Variants in THSD7B observed in about 807,000 individuals in gnomAD.
THSD7B encodes thrombospondin type 1 domain containing 7B, also known as thrombospondin type-1 domain-containing protein 7B.
In THSD7B, 138 loss-of-function variants were observed where a neutral mutation model predicts 213.6. The ratio of observed to expected loss-of-function variants is 0.65; its 90% CI spans 0.56 to 0.74. The LOEUF (loss-of-function observed/expected upper bound fraction) is 0.74. Ranked by LOEUF, THSD7B falls within the 30% of genes least tolerant of loss-of-function variation. The probability of loss-of-function intolerance (pLI) is 0.00; values close to 1 mark genes in which losing one functional copy is unlikely to be tolerated. For missense variants in THSD7B, 1,931 were observed against 1,991.5 expected, an observed-to-expected ratio of 0.97 and a Z score of 0.58; for synonymous variants, 742 against 687.0, an observed-to-expected ratio of 1.08 and a Z score of -1.25.
intron 17 of THSD7B, among the ~76,000 whole-genome samples, chr2:137,588,102 T>C (rs370572441): frequency 6.6e-6 from 1 of 152,130 alleles, no homozygotes; most frequent in Non-Finnish European, 1.5e-5. Flanking sequence ...TAGCAATGAG[T>C]GAGGCTCCAA....
At chr2:137,106,897 G>A (rs1688264590) in intron 4 of THSD7B, among the ~76,000 whole-genome samples, 1 of 152,186 alleles carries the variant, frequency 6.6e-6, no homozygotes, top group Admixed American at 6.5e-5. Flanking sequence ...AACAACAGAT[G>A]CTGGAGAGGA....
chr2:136,871,703 G>T (rs16837222), intron 1 of THSD7B, among the ~76,000 whole-genome samples: 1 of 152,086 alleles, frequency 6.6e-6, no homozygotes, highest in African/African-American at 2.4e-5. Context: ...GAAAGAAGCC[G>T]CATAAGTAAG....
At chr2:137,501,261 AAGAAG>A (rs1160105548) in intron 15 of THSD7B, among the ~76,000 whole-genome samples, 1 of 152,188 alleles carries the variant, frequency 6.6e-6, no homozygotes, top group African/African-American at 2.4e-5. Flanking sequence ...ACATAGTGAA[AAGAAG>A]AGGATTCCAC....
chr2:136,851,621 C>T (rs1683100253), intron 1 of THSD7B, among the ~76,000 whole-genome samples: 1 of 152,066 alleles, frequency 6.6e-6, no homozygotes, highest in Admixed American at 6.6e-5. Flanking sequence ...ACTGGGGTGA[C>T]TTTGTTCTAT....
intron 12 of THSD7B, among the ~76,000 whole-genome samples, chr2:137,372,900 A>G (rs1385149544): frequency 8.0e-6 from 1 of 125,192 alleles, no homozygotes; most frequent in South Asian, 2.5e-4. Context: ...TCCTGTGTCC[A>G]TGTGTTCTCA....
intron 12 of THSD7B, among the ~76,000 whole-genome samples, chr2:137,326,202 C>G (rs190511286): frequency 6.6e-6 from 1 of 152,128 alleles, no homozygotes; most frequent in South Asian, 2.1e-4. Context: ...GACCCATGAT[C>G]ATAGCAAGGA....
At chr2:136,929,170 G>C (rs747070271) in intron 2 of THSD7B, among the ~76,000 whole-genome samples, 5 of 152,072 alleles carry the variant, frequency 3.3e-5, no homozygotes, top group African/African-American at 1.2e-4. Context: ...GAAATGTGTG[G>C]GATTGCCCGT....
At chr2:137,400,491 G>T (rs1574007787) in intron 12 of THSD7B, among the ~76,000 whole-genome samples, 1 of 152,236 alleles carries the variant, frequency 6.6e-6, no homozygotes, top group South Asian at 2.1e-4. Flanking sequence ...GATTTCCCTG[G>T]CTATAAATAG....
intron 15 of THSD7B, among the ~76,000 whole-genome samples, chr2:137,497,110 G>T (rs1003510688): frequency 6.6e-6 from 1 of 151,978 alleles, no homozygotes; most frequent in Non-Finnish European, 1.5e-5. Context: ...ATTGTAATAT[G>T]CAGGCAAAGA....
intron 2 of THSD7B, among the ~76,000 whole-genome samples, chr2:137,032,608 A>G (rs1686696059): frequency 6.6e-6 from 1 of 152,144 alleles, no homozygotes; most frequent in African/African-American, 2.4e-5. Context: ...TTTTCACACA[A>G]TTTAGTATAA....
intron 2 of THSD7B, among the ~76,000 whole-genome samples, chr2:137,015,775 C>G (rs560510467): frequency 1.3e-5 from 2 of 152,212 alleles, no homozygotes; most frequent in Admixed American, 1.3e-4. Context: ...GCTTTTCTGG[C>G]TACTTATCTG....
chr2:137,160,300 T>C lies in THSD7B; in HGVS notation c.1457T>C (p.Ile486Thr), dbSNP rs771258622. 5 of 1,613,726 alleles carry C rather than the reference T, an allele frequency of 3.1e-6. No individual in the cohort carries two copies. The highest frequency in any genetic ancestry group is 3.4e-6 in the Non-Finnish European group (4 of 1,179,738). ...LCNIPCSTDC[I>T]VSSWSAWGLC... ...AATATCCCTTGCTCTACGGACTGCA[T>C]AGTATCTTCCTGGTCAGCCTGGGGC... is the stretch of plus-strand genomic sequence containing the variant. The change falls in exon 6 of 28, where the codon ATA becomes ACA. Residue 486 changes from isoleucine (I) to threonine (T), a missense_variant. Coordinates refer to ENST00000409968, the MANE Select transcript of THSD7B (RefSeq NM_001316349.2).
intron 12 of THSD7B, among the ~76,000 whole-genome samples, chr2:137,284,007 C>T (rs1054105982): frequency 6.6e-6 from 1 of 152,078 alleles, no homozygotes; most frequent in Non-Finnish European, 1.5e-5. Context: ...TGGTAGAATT[C>T]AGCTGTGAAT....
intron 2 of THSD7B, among the ~76,000 whole-genome samples, chr2:137,026,119 A>C (rs762434572): frequency 2.0e-5 from 3 of 152,200 alleles, no homozygotes; most frequent in Non-Finnish European, 4.4e-5. Flanking sequence ...ATATAGAATG[A>C]TAGAACAGGG....
chr2:137,592,607 G>A (rs1243081328), intron 17 of THSD7B, among the ~76,000 whole-genome samples: 2 of 151,830 alleles, frequency 1.3e-5, no homozygotes, highest in African/African-American at 2.4e-5. Context: ...ATTACGGGAT[G>A]CATCTTCACC....
chr2:137,309,653 C>G (rs963747968), intron 12 of THSD7B, among the ~76,000 whole-genome samples: 3 of 152,114 alleles, frequency 2.0e-5, no homozygotes, highest in East Asian at 3.9e-4. Context: ...CTATCCCTAC[C>G]CCTACCCCCA....
At chr2:137,481,330 G>A (rs1688302190) in intron 15 of THSD7B, among the ~76,000 whole-genome samples, 1 of 152,148 alleles carries the variant, frequency 6.6e-6, no homozygotes, top group Non-Finnish European at 1.5e-5. Flanking sequence ...AGCTCATACA[G>A]AAATATCGGG....
chr2:136,968,523 G>A (rs1281090603), intron 2 of THSD7B, among the ~76,000 whole-genome samples: 51 of 151,938 alleles, frequency 3.4e-4, no homozygotes, highest in Admixed American at 3.3e-3. Flanking sequence ...CTGCTGCACT[G>A]GTTATATATG....
intron 16 of THSD7B, among the ~76,000 whole-genome samples, chr2:137,570,830 T>C (rs1681339739): frequency 6.6e-6 from 1 of 152,204 alleles, no homozygotes; most frequent in Non-Finnish European, 1.5e-5. Context: ...AGGCGAGGAC[T>C]TAGTATGTAG....
Sources: allele counts gnomAD v4.1 joint callset (sites outside exome capture counted in the v4.1 genomes callset), GRCh38; gene constraint gnomAD v4.1.1; transcripts MANE v1.5; gene names NCBI Gene and HGNC (gene_info 2026-07-23, HGNC 2026-07-21).